Variants in NF1 observed in about 807,000 individuals in gnomAD.
The protein encoded by NF1 is neurofibromin 1.
In NF1, 122 loss-of-function variants were observed where a neutral mutation model predicts 325.7. That is an observed-to-expected ratio of 0.37 (90% CI 0.32 to 0.44). The LOEUF (loss-of-function observed/expected upper bound fraction) is 0.44. Among genes scored for constraint, NF1 ranks in the 20% least tolerant of loss-of-function variants. The pLI is 1.00. For missense variants in NF1, 2,140 were observed against 3,415.4 expected (o/e 0.63, Z 9.31); for synonymous variants, 1,091 against 1,186.0 (o/e 0.92, Z 1.65).
chr17:31,278,645 G>A (rs997525678), intron 36 of NF1, among the ~76,000 whole-genome samples: 21 of 148,072 alleles, frequency 1.4e-4, no homozygotes, highest in South Asian at 4.3e-4. Flanking sequence ...ACAGAGTTTC[G>A]CTCTTGTTGC....
intron 57 of NF1, among the ~76,000 whole-genome samples, chr17:31,367,972 T>A (rs570160415): frequency 1.0e-4 from 15 of 150,218 alleles, no homozygotes; most frequent in South Asian, 6.3e-4. Flanking sequence ...AAAAAAAAAA[T>A]ATATGGTCAT....
At chr17:31,230,694 T>C in intron 23 of NF1, 148 bp from the exon 24 acceptor site, 1 of 714,488 alleles carries the variant, frequency 1.4e-6, no homozygotes, top group Non-Finnish European at 2.5e-6. Context: ...TTTATGTCTG[T>C]GATAGCAGTA....
At chr17:31,137,082 A>G (rs531713249) in intron 1 of NF1, 75 of 152,254 alleles carry the variant, frequency 4.9e-4, no homozygotes, top group African/African-American at 1.7e-3. Flanking sequence ...CCTTTATTTT[A>G]TAGGTGACAT....
At chr17:31,301,924 T>C (rs190827733) in intron 36 of NF1, among the ~76,000 whole-genome samples, 2 of 152,352 alleles carry the variant, frequency 1.3e-5, no homozygotes, top group Non-Finnish European at 1.5e-5. Flanking sequence ...ATAAACTTTC[T>C]CTTCTGGATC....
At chr17:31,346,648 T>TACCA (rs1410815187) in intron 48 of NF1, among the ~76,000 whole-genome samples, 5 of 151,834 alleles carry the variant, frequency 3.3e-5, no homozygotes, top group African/African-American at 7.3e-5. Context: ...TTCTGGTGTG[T>TACCA]GCCCTCCTGG....
chr17:31,351,071 G>A (rs995595795), intron 50 of NF1, among the ~76,000 whole-genome samples: 2 of 151,978 alleles, frequency 1.3e-5, no homozygotes, highest in South Asian at 2.1e-4. Context: ...TCTTACTTTC[G>A]TCAGTCCCAT....
intron 36 of NF1, chr17:31,295,910 A>G (rs1382254151): frequency 1.2e-6 from 2 of 1,614,038 alleles, no homozygotes; most frequent in Non-Finnish European, 8.5e-7. Context: ...TGTATTTTTA[A>G]TGAGGACAAC....
intron 5 of NF1, among the ~76,000 whole-genome samples, chr17:31,175,390 C>T (rs2066004487): frequency 7.7e-6 from 1 of 129,520 alleles, no homozygotes; most frequent in Non-Finnish European, 1.6e-5. Context: ...TGCTCTGTCG[C>T]TCAGGCTGGC....
In NF1 at chr17:31,229,669, G is replaced by A. The variant is rs2067078841; in HGVS notation, c.2851-166G>A. 6 of 979,616 alleles carry A rather than the reference G, an allele frequency of 6.1e-6. 1 individual carries two copies. The Admixed American group carries it at 1.1e-4, about 18-fold the overall frequency. The allele number at this position is 979,616 out of a possible 1,614,324, so 60.7% of individuals were successfully genotyped here. On this transcript the variant is annotated intron_variant, in intron 21 of 57. Transcript: ENST00000358273. ...TGTATGTGTGCCTAAGGGTATACGT[G>A]CCCTGTGTATGGGTACGAGTGTCTG...
At chr17:31,208,885 C>T (rs570166525) in intron 12 of NF1, among the ~76,000 whole-genome samples, 34 of 151,892 alleles carry the variant, frequency 2.2e-4, no homozygotes, top group Admixed American at 5.9e-4. Flanking sequence ...GAGCGAGAAT[C>T]GGTCTCAAAA....
At chr17:31,252,672 A>G (rs970679351) in intron 30 of NF1, 3 of 428,280 alleles carry the variant, frequency 7.0e-6, no homozygotes, top group African/African-American at 6.0e-5. Flanking sequence ...TCACTTGGAG[A>G]GAGTTTTTCT....
At chr17:31,167,671 A>G (rs796898251) in intron 4 of NF1, among the ~76,000 whole-genome samples, 6 of 152,336 alleles carry the variant, frequency 3.9e-5, no homozygotes, top group African/African-American at 7.2e-5. Context: ...TAGATTAGCA[A>G]TACCAACTTT....
chr17:31,344,838 T>C (rs1420863958), intron 48 of NF1, among the ~76,000 whole-genome samples: 1 of 152,236 alleles, frequency 6.6e-6, no homozygotes, highest in African/African-American at 2.4e-5. Context: ...TTTGGGAGGC[T>C]GAGGCAGGTG....
At chr17:31,318,782 G>A (rs982594900) in intron 36 of NF1, 1 of 1,613,868 alleles carries the variant, frequency 6.2e-7, no homozygotes, top group Non-Finnish European at 8.5e-7. Flanking sequence ...GATGTTTCAG[G>A]CATGTTTGTA....
intron 8 of NF1, among the ~76,000 whole-genome samples, chr17:31,184,767 G>A (rs1401896328): frequency 6.6e-6 from 1 of 152,150 alleles, no homozygotes; most frequent in Non-Finnish European, 1.5e-5. Context: ...ATTGACCTGA[G>A]TGAGACCCTT....
At chr17:31,169,854 T>G in intron 4 of NF1, 37 bp from the exon 5 acceptor site, 1 of 1,447,640 alleles carries the variant, frequency 6.9e-7, no homozygotes, top group Non-Finnish European at 9.7e-7. Flanking sequence ...CCCCTAATAC[T>G]TAATTTGATA....
chr17:31,259,746 A>G (rs2067650941), intron 33 of NF1, among the ~76,000 whole-genome samples: 1 of 152,232 alleles, frequency 6.6e-6, no homozygotes, highest in Admixed American at 6.5e-5. Flanking sequence ...GAGATAATTC[A>G]TAAGAAAGCG....
At chr17:31,128,890 CACTCCAGCCTGGGTGACAAGAGTGAG>C (rs1915114311) in intron 1 of NF1, among the ~76,000 whole-genome samples, 1 of 150,900 alleles carries the variant, frequency 6.6e-6, no homozygotes, top group Non-Finnish European at 1.5e-5. Flanking sequence ...CGCGCCACTG[CACTCCAGCCTGGGTGACAAGAGTGAG>C]ACTCCGTCTC....
chr17:31,340,398 A>G (rs1555535138), intron 46 of NF1, 107 bp from the exon 47 acceptor site: 1 of 1,403,628 alleles, frequency 7.1e-7, no homozygotes, highest in Middle Eastern at 1.8e-4. Flanking sequence ...AAGAGAAAAC[A>G]TGGGTAATTT....
Sources: gnomAD v4.1 joint callset for allele counts (sites outside exome capture counted in the v4.1 genomes callset) on GRCh38, gnomAD v4.1.1 for gene constraint, MANE v1.5 for transcripts, NCBI Gene and HGNC (gene_info 2026-07-23, HGNC 2026-07-21) for gene names.